NEK5: variants seen among roughly 807,000 people sequenced by gnomAD.
NEK5 encodes the protein serine/threonine-protein kinase Nek5.
In NEK5, 88 loss-of-function variants were observed where a neutral mutation model predicts 109.2. That is an observed-to-expected ratio of 0.81 (90% CI 0.68 to 0.96). The LOEUF (loss-of-function observed/expected upper bound fraction) is 0.96. Ranked by LOEUF, NEK5 falls within the 40% of genes least tolerant of loss-of-function variation. NEK5 has a pLI of 0.00. For synonymous variants in NEK5, 283 were observed against 299.9 expected (o/e 0.94, Z 0.58); for missense variants, 834 against 920.7 (o/e 0.91, Z 1.22).
rs59617490 is a variant in NEK5, at chr13:52,040,081, CTTTTT to C, written c.2229-2868_2229-2864del. Among the ~76,000 whole-genome samples the C allele has an allele frequency of 7.3e-4, 88 of 120,366 alleles. 1 individual carries two copies. The highest frequency in any genetic ancestry group is 3.6e-3 in the East Asian group (15 of 4,154). 79.0% of individuals were successfully genotyped at this position (120,366 alleles called of 152,430 possible). On this transcript the variant is annotated intron_variant, in intron 23 of 23. Transcript: ENST00000684899. Reference sequence around the variant, plus strand: ...TTACCAGACACCAAATCTACTGGCACTTTTTTTTTTTTTTTTTTTTTGAGAGAAAT... The same window carrying C: ...TTACCAGACACCAAATCTACTGGCACTTTTTTTTTTTTTTTTGAGAGAAAT...
chr13:52,097,619 T>C (rs1203415844), intron 12 of NEK5, among the ~76,000 whole-genome samples: 3 of 152,218 alleles, frequency 2.0e-5, no homozygotes, highest in Admixed American at 6.5e-5. Flanking sequence ...GTACCCTCAT[T>C]GTATTTTGGA....
chr13:52,114,273 G>A (rs528271529), intron 4 of NEK5, among the ~76,000 whole-genome samples: 7 of 151,886 alleles, frequency 4.6e-5, no homozygotes, highest in South Asian at 2.1e-4. Flanking sequence ...AAACATAAGC[G>A]CCAAAATCAG....
At chr13:52,062,430 T>TC (rs1191321606) in intron 21 of NEK5, among the ~76,000 whole-genome samples, 1 of 151,694 alleles carries the variant, frequency 6.6e-6, no homozygotes, top group Non-Finnish European at 1.5e-5. Context: ...TTTCTTTCTT[T>TC]CTTTTTTTTT....
At chr13:52,122,494 C>T (rs1955989413) in intron 3 of NEK5, among the ~76,000 whole-genome samples, 1 of 152,116 alleles carries the variant, frequency 6.6e-6, no homozygotes, top group East Asian at 1.9e-4. Flanking sequence ...CTGGGCTGGG[C>T]GCAGTGGCTC....
chr13:52,109,875 T>C (rs1409249775), intron 7 of NEK5, among the ~76,000 whole-genome samples: 1 of 152,162 alleles, frequency 6.6e-6, no homozygotes, highest in Non-Finnish European at 1.5e-5. Context: ...CTAATTGATG[T>C]CTTGCATCTC....
chr13:52,108,087 A>C (rs1259527024), intron 8 of NEK5, among the ~76,000 whole-genome samples: 1 of 152,198 alleles, frequency 6.6e-6, no homozygotes, highest in Non-Finnish European at 1.5e-5. Flanking sequence ...TACTGGTTAC[A>C]GAAATAAAAA....
chr13:52,105,313 T>C (rs529357239), intron 8 of NEK5, among the ~76,000 whole-genome samples: 30 of 150,954 alleles, frequency 2.0e-4, no homozygotes, highest in Admixed American at 9.3e-4. Flanking sequence ...TACTAAAAGT[T>C]TGAGTACAAA....
chr13:52,104,615 C>G (rs1955615264), intron 8 of NEK5, 63 bp from the exon 9 acceptor site: 16 of 1,066,564 alleles, frequency 1.5e-5, no homozygotes, highest in Non-Finnish European at 2.3e-5. Context: ...AAGCTTTTAT[C>G]CTTACAGTGC....
At chr13:52,101,854 G>T in intron 11 of NEK5, 79 bp downstream of exon 11, 1 of 1,137,064 alleles carries the variant, frequency 8.8e-7, no homozygotes, top group Non-Finnish European at 1.3e-6. Context: ...CAATATGTTT[G>T]GTGAAATTTC....
At position 52,112,348 on chromosome 13, in the gene NEK5, T is replaced by C. The variant is rs748664031; in HGVS notation, c.232A>G (p.Ile78Val). 1 of 1,603,050 alleles carries C rather than the reference T, an allele frequency of 6.2e-7. No homozygotes were observed. Among genetic ancestry groups the C allele is most frequent in the Middle Eastern group, 1.7e-4 (1 of 6,040 alleles). ...CCTCCATCACAATATTCCATTACAATAAACAGCCTGCCATTCTCTGTAAGA... is the reference window on the plus strand; with the variant it reads ...CCTCCATCACAATATTCCATTACAACAAACAGCCTGCCATTCTCTGTAAGA... ...NSFQENGRLF[I>V]VMEYCDGGDL... The change falls in exon 5 of 24, where the codon ATT becomes GTT. Residue 78 changes from isoleucine to valine, a missense_variant. Around this residue, in one of 2 missense-constraint regions of NEK5, gnomAD observed 777 missense variants for 824.7 expected, o/e 0.94. Transcript: ENST00000684899.
chr13:52,107,988 C>T (rs775844109), intron 8 of NEK5, among the ~76,000 whole-genome samples: 5 of 152,144 alleles, frequency 3.3e-5, no homozygotes, highest in Non-Finnish European at 5.9e-5. Flanking sequence ...CACACTTACA[C>T]ATAGACATAT....
chr13:52,093,061 T>C lies in NEK5; in HGVS notation c.1201A>G (p.Ser401Gly). ...GCTAGACCACAATATTACCATTGAC[T>C]TGGGGATGGACCATGCCTCGTTTCC... The part of the protein sequence containing the change: ...GQETRHGPSP[S>G]QWPAEYLQRK... Residue 401 changes from serine to glycine, a missense_variant, in exon 13 of 24, where the codon AGT becomes GGT. This residue lies in a region of NEK5 where 777 missense variants were observed against 824.7 expected (regional missense o/e 0.94). Coordinates refer to ENST00000684899, the MANE Select transcript of NEK5 (RefSeq NM_001365552.1). The C allele has an allele frequency of 1.2e-6, 2 of 1,609,262 alleles. No homozygotes were observed. The highest frequency in any genetic ancestry group is 1.7e-6 in the Non-Finnish European group (2 of 1,176,166).
intron 23 of NEK5, among the ~76,000 whole-genome samples, chr13:52,044,746 A>G (rs747833057): frequency 1.1e-4 from 16 of 152,196 alleles, no homozygotes; most frequent in African/African-American, 1.2e-4. Flanking sequence ...CCTCCCCATA[A>G]GAGTTGCAGA....
In NEK5 at chr13:52,041,999, T is replaced by C. The variant is rs55777220; in HGVS notation, c.2229-4781A>G. 4.1e-3 allele frequency among the ~76,000 whole-genome samples: 622 copies of C among 151,846 alleles called. 3 individuals carry two copies. The highest frequency in any genetic ancestry group is 0.015 in the African/African-American group (604 of 41,430). ...GACATACCATAGTGAAACATAAGAATGTAAGGAATTAAAAAAATTATAAAA... is the reference window on the plus strand; with the variant it reads ...GACATACCATAGTGAAACATAAGAACGTAAGGAATTAAAAAAATTATAAAA... On this transcript the variant is annotated intron_variant, in intron 23 of 23. Transcript: ENST00000684899.
intron 3 of NEK5, among the ~76,000 whole-genome samples, chr13:52,124,826 T>C (rs1956033307): frequency 6.6e-6 from 1 of 152,220 alleles, no homozygotes; most frequent in Non-Finnish European, 1.5e-5. Context: ...CTTTACAGCC[T>C]CTGTCCCAGT....
At position 52,101,935 on chromosome 13, in the gene NEK5, T is replaced by C. The variant is rs1955541493; in HGVS notation, c.890A>G (p.Gln297Arg). The stretch of plus-strand genomic sequence containing the variant: ...TTGCATGCCAAAGTCACACTTACTC[T>C]GGACCACCTTCCCAGCATGTCGAGA... ...PASRHAGKVV[Q>R]KCKIQKVRFQ... is the part of the protein sequence containing the mutation. The change falls in exon 11 of 24, where the codon CAG (glutamine) becomes CGG (arginine). Residue 297 changes from glutamine (Q) to arginine (R), a missense_variant and splice_region_variant. By Grantham distance (43) the Gln-to-Arg change is conservative. Around this residue, in one of 2 missense-constraint regions of NEK5, gnomAD observed 777 missense variants for 824.7 expected, o/e 0.94. Coordinates refer to ENST00000684899, the MANE Select transcript of NEK5 (RefSeq NM_001365552.1). The C allele has an allele frequency of 6.2e-7, 1 of 1,613,324 alleles. No individual in the cohort carries two copies. Among genetic ancestry groups the C allele is most frequent in the African/African-American group, 1.3e-5 (1 of 74,916 alleles).
intron 18 of NEK5, 118 bp downstream of exon 18, chr13:52,075,945 A>T (rs1954860562): frequency 2.2e-6 from 2 of 908,584 alleles, no homozygotes. Flanking sequence ...GTCTCATATC[A>T]CAAAATAGAG....
intron 5 of NEK5, among the ~76,000 whole-genome samples, chr13:52,110,844 A>C (rs1331796598): frequency 1.3e-5 from 2 of 152,180 alleles, no homozygotes; most frequent in African/African-American, 4.8e-5. Flanking sequence ...GAAAAAGATA[A>C]GTAGAAGCAA....
Position 52,125,648 on chromosome 13 carries a change from G to C in NEK5, c.117+1718C>G, listed in dbSNP as rs762099437. Among the ~76,000 whole-genome samples, 52 of 152,188 alleles carry C rather than the reference G, an allele frequency of 3.4e-4. 1 individual carries two copies. The highest frequency in any genetic ancestry group is 1.0e-4 in the Non-Finnish European group (7 of 68,040). ...GGTACTGAAAGATGCCAGGGGTAGAGACAGAGATTTAAGAGAGATCTACTT... is the reference window on the plus strand; with the variant it reads ...GGTACTGAAAGATGCCAGGGGTAGACACAGAGATTTAAGAGAGATCTACTT... On this transcript the variant is annotated intron_variant, in intron 3 of 23. Transcript: ENST00000684899.
Sources: gnomAD v4.1 joint callset for allele counts (sites outside exome capture counted in the v4.1 genomes callset) on GRCh38, gnomAD v4.1.1 for gene constraint, gnomAD v4.1.1 regional missense constraint, MANE v1.5 for transcripts, NCBI Gene and HGNC (gene_info 2026-07-23, HGNC 2026-07-21) for gene names.